The following FBXL13 variants were observed in gnomAD, a reference collection of about 807,000 sequenced individuals.
FBXL13 encodes F-box and leucine-rich repeat protein 13.
A neutral mutation model predicts 83.6 loss-of-function variants in FBXL13; 67 were observed. The observed-to-expected ratio is 0.80, with a 90% confidence interval of 0.66 to 0.98. The LOEUF (loss-of-function observed/expected upper bound fraction) is 0.98, where lower values mean the gene tolerates loss of function less well. Among genes scored for constraint, FBXL13 ranks in the 50% least tolerant of loss-of-function variants. The pLI is 0.00. For missense variants in FBXL13, 822 were observed against 866.5 expected, an observed-to-expected ratio of 0.95 and a Z score of 0.64; for synonymous variants, 272 against 299.5, an observed-to-expected ratio of 0.91 and a Z score of 0.95.
At chr7:102,973,907 G>T (rs1294722192) in intron 6 of FBXL13, 1 of 668,066 alleles carries the variant, frequency 1.5e-6, no homozygotes, top group Non-Finnish European at 2.7e-6. Flanking sequence ...GGTCTTAGGG[G>T]GACGCCTCTA....
At chr7:103,008,561 T>A (rs1438960658) in intron 6 of FBXL13, among the ~76,000 whole-genome samples, 1 of 152,088 alleles carries the variant, frequency 6.6e-6, no homozygotes, top group Non-Finnish European at 1.5e-5. Context: ...ATAATTGACT[T>A]TTTTTTTCTT....
chr7:102,862,234 CAGA>C (rs1451791275), intron 16 of FBXL13, among the ~76,000 whole-genome samples: 5 of 149,644 alleles, frequency 3.3e-5, no homozygotes, highest in African/African-American at 9.9e-5. Flanking sequence ...TAGGCTGAGG[CAGA>C]AGAATTGCTT....
intron 6 of FBXL13, among the ~76,000 whole-genome samples, chr7:103,010,838 T>C (rs533665322): frequency 6.6e-6 from 1 of 152,316 alleles, no homozygotes; most frequent in South Asian, 2.1e-4. Flanking sequence ...ATATGGCTTA[T>C]ATGCCAACTG....
chr7:102,924,041 G>A (rs547532066), intron 10 of FBXL13, among the ~76,000 whole-genome samples: 1 of 151,866 alleles, frequency 6.6e-6, no homozygotes, highest in East Asian at 1.9e-4. Context: ...GGAGTTTGAG[G>A]CCAGCCCGAC....
chr7:102,908,394 C>T (rs182258091), intron 11 of FBXL13, among the ~76,000 whole-genome samples: 38 of 152,314 alleles, frequency 2.5e-4, no homozygotes, highest in African/African-American at 8.4e-4. Context: ...ATCTCTGTTT[C>T]TCCAGGATTG....
chr7:102,978,229 C>T (rs1391962641), intron 6 of FBXL13, among the ~76,000 whole-genome samples: 3 of 152,120 alleles, frequency 2.0e-5, no homozygotes, highest in South Asian at 4.1e-4. Context: ...TTTCTTTTTC[C>T]AAGGTGCCCA....
chr7:102,855,267 C>T (rs937248972), intron 16 of FBXL13, among the ~76,000 whole-genome samples: 4 of 152,140 alleles, frequency 2.6e-5, no homozygotes, highest in Non-Finnish European at 5.9e-5. Context: ...ACCAAAACAT[C>T]TAAAAATCTT....
intron 10 of FBXL13, among the ~76,000 whole-genome samples, chr7:102,920,242 C>G (rs1816720145): frequency 6.6e-6 from 1 of 152,118 alleles, no homozygotes; most frequent in African/African-American, 2.4e-5. Context: ...TGTGTATGTA[C>G]CTTTCGAATA....
At chr7:102,939,663 T>G (rs1821021779) in intron 8 of FBXL13, 2 of 1,247,954 alleles carry the variant, frequency 1.6e-6, no homozygotes, top group Admixed American at 4.8e-5. Context: ...TTATATACAG[T>G]AAATTCAGTT....
At chr7:102,937,237 C>T (rs898917366) in intron 8 of FBXL13, among the ~76,000 whole-genome samples, 6 of 151,830 alleles carry the variant, frequency 4.0e-5, no homozygotes, top group Non-Finnish European at 5.9e-5. Flanking sequence ...CAGTGGCTCA[C>T]GCCTATAATC....
chr7:102,871,197 T>A (rs1051096652), intron 16 of FBXL13, among the ~76,000 whole-genome samples: 1 of 152,106 alleles, frequency 6.6e-6, no homozygotes, highest in African/African-American at 2.4e-5. Context: ...TCCATGAGAA[T>A]GACTCCCCCA....
At chr7:102,983,720 A>G (rs77094140) in intron 6 of FBXL13, among the ~76,000 whole-genome samples, 1,672 of 152,050 alleles carry the variant, frequency 0.011, 38 homozygotes, top group African/African-American at 0.039. Flanking sequence ...CGCACCCAGC[A>G]AGAAACCCAT....
chr7:102,975,832 G>A (rs1375489335), intron 6 of FBXL13: 1 of 650,202 alleles, frequency 1.5e-6, no homozygotes, highest in Non-Finnish European at 2.8e-6. Context: ...TAACAATCGT[G>A]ATGAGGAAAG....
intron 6 of FBXL13, among the ~76,000 whole-genome samples, chr7:103,021,172 A>G (rs1481283512): frequency 6.6e-6 from 1 of 152,212 alleles, no homozygotes. Context: ...CCTCAGAAAT[A>G]ATGCCGCATA....
intron 16 of FBXL13, among the ~76,000 whole-genome samples, chr7:102,876,939 T>C (rs1420200278): frequency 6.6e-6 from 1 of 152,170 alleles, no homozygotes; most frequent in Non-Finnish European, 1.5e-5. Flanking sequence ...CTCCTTTTGA[T>C]TAGTAAATGG....
chr7:103,003,064 TC>T (rs1790570174), intron 6 of FBXL13, among the ~76,000 whole-genome samples: 1 of 152,130 alleles, frequency 6.6e-6, no homozygotes, highest in Non-Finnish European at 1.5e-5. Context: ...ATTCTCTATA[TC>T]TTGTAGGCAT....
chr7:102,892,794 C>A (rs936104565), intron 11 of FBXL13, among the ~76,000 whole-genome samples: 1 of 152,162 alleles, frequency 6.6e-6, no homozygotes, highest in Non-Finnish European at 1.5e-5. Context: ...TTAGCATTAT[C>A]TATGTTCTTG....
intron 6 of FBXL13, among the ~76,000 whole-genome samples, chr7:102,979,190 A>T (rs1465358446): frequency 1.3e-5 from 2 of 152,208 alleles, no homozygotes. Flanking sequence ...CAAGAAAGTC[A>T]AATGGTCACA....
chr7:102,950,074 C>G (rs1823174868), intron 8 of FBXL13, among the ~76,000 whole-genome samples: 1 of 152,016 alleles, frequency 6.6e-6, no homozygotes, highest in Non-Finnish European at 1.5e-5. Flanking sequence ...CACTATATTC[C>G]AGTCTGGGCG....
Sources: gnomAD v4.1 joint callset for allele counts (sites outside exome capture counted in the v4.1 genomes callset) on GRCh38, gnomAD v4.1.1 for gene constraint, MANE v1.5 for transcripts, NCBI Gene and HGNC (gene_info 2026-07-23, HGNC 2026-07-21) for gene names.